The following MED16 variants were observed in gnomAD, a reference collection of about 807,000 sequenced individuals.
MED16 encodes mediator complex subunit 16, also known as mediator of RNA polymerase II transcription subunit 16.
Under a neutral mutation model 84.4 loss-of-function variants are expected in MED16, and 81 were observed. The ratio of observed to expected loss-of-function variants is 0.96; its 90% CI spans 0.80 to 1.15. The LOEUF is 1.15. Ranked by LOEUF, MED16 falls within the 50% of genes most tolerant of loss-of-function variation. MED16 has a pLI of 0.00. For synonymous variants in MED16, 897 were observed against 552.2 expected (o/e 1.62, Z -8.76); for missense variants, 1,585 against 1,245.9 (o/e 1.27, Z -4.10).
At chr19:868,996 G>A (rs1324515881) in intron 13 of MED16, 50 bp from the exon 14 acceptor site, 1 of 1,464,524 alleles carries the variant, frequency 6.8e-7, no homozygotes, top group Non-Finnish European at 9.1e-7. Context: ...CACGAGGCCA[G>A]GTTCCGGCAG....
rs147510499 is a variant in MED16 at position 868,108 on chromosome 19, C to T, written c.2627G>A (p.Arg876His). ...RSLDHLHPED[R>H]P is the part of the protein sequence containing the mutation. ...CGCCTGGACCCCCGGCCGTCACGGA[C>T]GGTCCTCTGGATGCAGATGGTCCAG... The change falls in exon 16 of 16, where the codon CGT (arginine) becomes CAT (histidine). Residue 876 changes from arginine (R) to histidine (H), a missense_variant. Coordinates refer to ENST00000325464, the MANE Select transcript of MED16 (RefSeq NM_005481.3). 5.7e-5 allele frequency: 92 copies of T among 1,607,720 alleles called. No individual in the cohort carries two copies. Among genetic ancestry groups the T allele is most frequent in the Admixed American group, 2.6e-4 (15 of 58,488 alleles).
chr19:873,603 G>T (rs781166568), intron 10 of MED16, 21 bp from the exon 11 acceptor site: 107 of 1,611,086 alleles, frequency 6.6e-5, no homozygotes, highest in Non-Finnish European at 8.4e-5. Context: ...ACGTGGGTCG[G>T]GTCAGCTCGG....
rs565136669 is a variant in MED16, at chr19:871,513, C to G, written c.2099-260G>C. 1.1e-5 allele frequency: 17 copies of G among 1,544,014 alleles called. No individual in the cohort carries two copies. The East Asian group carries it at 4.0e-4, about 37-fold the overall frequency. On this transcript the variant is annotated intron_variant, in intron 12 of 15. Transcript: ENST00000325464. Reference sequence around the variant, plus strand: ...TCACTTAAAAAGTATGTGGGAAGCACTGTGCCTTTTCCAGACACTGGGATG... The same window carrying G: ...TCACTTAAAAAGTATGTGGGAAGCAGTGTGCCTTTTCCAGACACTGGGATG...
chr19:877,966 A>ACGT (rs1374760452), intron 8 of MED16, among the ~76,000 whole-genome samples: 1 of 19,980 alleles, frequency 5.0e-5, no homozygotes. Flanking sequence ...CCCCAGCCCC[A>ACGT]GCCCCAGCCC....
rs897417370 is a variant in MED16 at position 874,617 on chromosome 19, G to C, written c.1771+627C>G. Among the ~76,000 whole-genome samples the C allele has an allele frequency of 2.0e-5, 3 of 152,194 alleles. 1 individual carries two copies. Among genetic ancestry groups the C allele is most frequent in the Admixed American group, 2.0e-4 (3 of 15,282 alleles). On this transcript the variant is annotated intron_variant, in intron 10 of 15. Coordinates refer to ENST00000325464, the MANE Select transcript of MED16 (RefSeq NM_005481.3). ...ACCCGGGTGCCGGGTGTCGGCCTGG[G>C]AGCGTCTCAGCCCCCAGGAGTAGAG...
chr19:880,213 CT>C, intron 7 of MED16, 65 bp from the exon 8 acceptor site: 1 of 1,461,782 alleles, frequency 6.8e-7, no homozygotes, highest in Non-Finnish European at 9.1e-7. Context: ...GGGGAGGGGC[CT>C]CCTGCTCTGC....
Position 868,907 on chromosome 19 carries a change from C to T in MED16, c.2355G>A (p.Leu785=), listed in dbSNP as rs867128027. 2.6e-6 allele frequency: 4 copies of T among 1,550,758 alleles called. No individual in the cohort carries two copies. Among genetic ancestry groups the T allele is most frequent in the Admixed American group, 4.0e-5 (2 of 50,244 alleles). The change falls in exon 14 of 16, where the codon CTG becomes CTA. Residue 785 remains leucine, a synonymous_variant. Coordinates refer to ENST00000325464, the MANE Select transcript of MED16 (RefSeq NM_005481.3). The stretch of plus-strand genomic sequence containing the variant: ...CCTCCGTGGGGCAAGCGCCAAGGTG[C>T]AGCCTCCGCAGGTGGTCGATCTTGG... ...GQPKIDHLRR[L]HLGACPTEEC... is the part of the protein sequence containing the mutation.
At chr19:878,180 G>GC (rs1599329590) in intron 8 of MED16, among the ~76,000 whole-genome samples, 56 of 72,202 alleles carry the variant, frequency 7.8e-4, no homozygotes, top group Middle Eastern at 0.018. Context: ...TGCCCACCGA[G>GC]CCCAGCCCCA....
intron 10 of MED16, among the ~76,000 whole-genome samples, chr19:875,036 T>C (rs1467923984): frequency 1.3e-5 from 2 of 151,950 alleles, no homozygotes; most frequent in Non-Finnish European, 2.9e-5. Flanking sequence ...TGGTGGCACG[T>C]GCCTGTAATC....
At chr19:878,046 C>A (rs1363694365) in intron 8 of MED16, among the ~76,000 whole-genome samples, 1 of 130,936 alleles carries the variant, frequency 7.6e-6, no homozygotes, top group Admixed American at 7.9e-5. Context: ...CCCCACGTGC[C>A]CCAGCAGCTC....
At chr19:886,289 A>G in intron 4 of MED16, 88 bp from the exon 5 acceptor site, 1 of 1,138,492 alleles carries the variant, frequency 8.8e-7, no homozygotes, top group Non-Finnish European at 1.2e-6. Context: ...CAGAAGAACC[A>G]CGCAGAAGCC....
intron 12 of MED16, chr19:871,631 C>T (rs1400702106): frequency 1.3e-6 from 2 of 1,595,256 alleles, no homozygotes; most frequent in South Asian, 1.1e-5. Context: ...ATCCCAAAAG[C>T]ACCCACACAG....
intron 6 of MED16, among the ~76,000 whole-genome samples, chr19:884,497 CGGA>C (rs1323738980): frequency 6.6e-6 from 1 of 152,098 alleles, no homozygotes; most frequent in Non-Finnish European, 1.5e-5. Flanking sequence ...AACCAGGTTC[CGGA>C]GGATTCCGTG....
intron 12 of MED16, chr19:871,527 G>A (rs1446987669): frequency 3.8e-6 from 6 of 1,567,154 alleles, no homozygotes; most frequent in East Asian, 2.3e-5. Context: ...GCCTTTTCCA[G>A]ACACTGGGAT....
At chr19:889,578 G>A in intron 4 of MED16, 60 bp downstream of exon 4, 1 of 1,543,976 alleles carries the variant, frequency 6.5e-7, no homozygotes, top group Non-Finnish European at 8.8e-7. Flanking sequence ...GGGGCTGGCG[G>A]GTGGCTGGGT....
In MED16 at chr19:867,992, C is replaced by G; in HGVS notation, c.*109G>C. ...CGCAGAGGGCGTTTATTGGACCTGT[C>G]CTTCCCAGCCGCTGCTTGTCCAGGT... On this transcript the variant is annotated 3_prime_UTR_variant, in exon 16 of 16. Coordinates refer to ENST00000325464, the MANE Select transcript of MED16 (RefSeq NM_005481.3). The G allele has an allele frequency of 7.1e-6, 10 of 1,410,346 alleles. No individual in the cohort carries two copies. In the South Asian group the frequency reaches 1.3e-4, roughly 18 times the overall value. The allele number at this position is 1,410,346 out of a possible 1,614,324, so 87.4% of individuals were successfully genotyped here. A position where few individuals can be genotyped will look rare whatever the true frequency, so the allele number is the denominator to read the frequency against.
Position 886,184 on chromosome 19 carries a change from G to A in MED16, c.465C>T (p.Phe155=), listed in dbSNP as rs372546200. 49 of 1,515,420 alleles carry A rather than the reference G, an allele frequency of 3.2e-5. 1 individual carries two copies. In the South Asian group the frequency reaches 4.3e-4, roughly 13 times the overall value. The allele number at this position is 1,515,420 out of a possible 1,614,324, so 93.9% of individuals were successfully genotyped here. The part of the protein sequence containing the change: ...LHVEKSGASS[F]GEKFSRVKFS... ...ACTTGACTCGGGAGAACTTCTCCCC[G>A]AAGCTGGAGGCGCCCGACTGTGGAG... Residue 155 remains phenylalanine, a synonymous_variant, in exon 5 of 16, where the codon TTC becomes TTT. Coordinates refer to ENST00000325464, the MANE Select transcript of MED16 (RefSeq NM_005481.3).
intron 2 of MED16, chr19:890,561 TC>T (rs1340530294): frequency 3.0e-5 from 11 of 372,606 alleles, no homozygotes; most frequent in Non-Finnish European, 4.4e-5. Flanking sequence ...TCTGTGGTTT[TC>T]TAGTTTTCTC....
chr19:892,126 C>T (rs2036649711), intron 1 of MED16, among the ~76,000 whole-genome samples: 1 of 152,074 alleles, frequency 6.6e-6, no homozygotes, highest in Non-Finnish European at 1.5e-5. Flanking sequence ...AAGCGCCTGG[C>T]ATCCAGACGG....
Sources: gnomAD v4.1 joint callset for allele counts (sites outside exome capture counted in the v4.1 genomes callset) on GRCh38, gnomAD v4.1.1 for gene constraint, MANE v1.5 for transcripts, NCBI Gene and HGNC (gene_info 2026-07-23, HGNC 2026-07-21) for gene names.